Variants in RELN observed in about 807,000 individuals in gnomAD.
RELN encodes the protein reelin.
In RELN, 108 loss-of-function variants were observed where a neutral mutation model predicts 427.6. That is an observed-to-expected ratio of 0.25 (90% CI 0.22 to 0.30). The LOEUF (loss-of-function observed/expected upper bound fraction) is 0.30, where lower values mean the gene tolerates loss of function less well. RELN is among the 10% of genes least tolerant of loss of function. The pLI is 1.00. For missense variants in RELN, 3,715 were observed against 4,302.8 expected, an observed-to-expected ratio of 0.86 and a Z score of 3.82; for synonymous variants, 1,524 against 1,513.4, an observed-to-expected ratio of 1.01 and a Z score of -0.16.
chr7:103,781,696 T>A (rs747448337), intron 3 of RELN, among the ~76,000 whole-genome samples: 13 of 152,008 alleles, frequency 8.6e-5, no homozygotes, highest in Non-Finnish European at 1.6e-4. Context: ...ATAACCCCCA[T>A]TCTACTCTCT....
rs754575582 is a variant in RELN at position 103,776,537 on chromosome 7, A to C, written c.544+20T>G. ...TGAATAGTTTGGACATAACACAAACAAATCAAATGTGACGCTTACCTCCTT... is the reference window on the plus strand; with the variant it reads ...TGAATAGTTTGGACATAACACAAACCAATCAAATGTGACGCTTACCTCCTT... On this transcript the variant is annotated intron_variant, in intron 4 of 64. Coordinates refer to ENST00000428762, the MANE Select transcript of RELN (RefSeq NM_005045.4). 2 of 1,613,684 alleles carry C rather than the reference A, an allele frequency of 1.2e-6. No homozygotes were observed. Among genetic ancestry groups the C allele is most frequent in the Non-Finnish European group, 1.7e-6 (2 of 1,179,570 alleles).
At chr7:103,585,365 G>A (rs1831246246) in intron 28 of RELN, among the ~76,000 whole-genome samples, 1 of 152,020 alleles carries the variant, frequency 6.6e-6, no homozygotes, top group Non-Finnish European at 1.5e-5. Flanking sequence ...AAATAATAAA[G>A]GTGACATTAC....
intron 8 of RELN, among the ~76,000 whole-genome samples, chr7:103,703,860 C>G (rs142244809): frequency 9.2e-5 from 14 of 152,260 alleles, no homozygotes; most frequent in Admixed American, 3.9e-4. Flanking sequence ...TCTAAAAATG[C>G]AAGCACTTTC....
intron 4 of RELN, among the ~76,000 whole-genome samples, chr7:103,758,492 T>C (rs1221918859): frequency 2.0e-5 from 3 of 151,890 alleles, no homozygotes; most frequent in Non-Finnish European, 4.4e-5. Context: ...GCATTCAGAA[T>C]GAAAGCCTAG....
chr7:103,907,991 T>C (rs1795254973), intron 2 of RELN, among the ~76,000 whole-genome samples: 1 of 152,006 alleles, frequency 6.6e-6, no homozygotes, highest in Admixed American at 6.6e-5. Flanking sequence ...GTGTGTGACG[T>C]TCCTCTCCCT....
chr7:103,740,998 G>A (rs1238028830), intron 6 of RELN, among the ~76,000 whole-genome samples: 1 of 152,168 alleles, frequency 6.6e-6, no homozygotes, highest in African/African-American at 2.4e-5. Context: ...GTGTGGCAGT[G>A]GCATAGGGAC....
chr7:103,949,116 T>C (rs771953005), intron 1 of RELN, among the ~76,000 whole-genome samples: 170 of 151,820 alleles, frequency 1.1e-3, no homozygotes, highest in Non-Finnish European at 2.0e-3. Flanking sequence ...CATATATATA[T>C]GTGTATACAC....
Position 103,594,311 on chromosome 7 carries a change from A to C in RELN, c.3711+10T>G, listed in dbSNP as rs992902436. The C allele has an allele frequency of 6.2e-7, 1 of 1,610,968 alleles. No homozygotes were observed. The highest frequency in any genetic ancestry group is 8.5e-7 in the Non-Finnish European group (1 of 1,177,178). On this transcript the variant is annotated intron_variant, in intron 26 of 64. Transcript: ENST00000428762. ...ATCTGTCTTCTTGGAGTTCAGACATAGGAGAATACCTGAGGTAAAGTTGGA... is the reference window on the plus strand; with the variant it reads ...ATCTGTCTTCTTGGAGTTCAGACATCGGAGAATACCTGAGGTAAAGTTGGA...
intron 16 of RELN, 23 bp downstream of exon 16, chr7:103,650,251 T>G (rs1227478530): frequency 7.4e-7 from 1 of 1,358,598 alleles, no homozygotes; most frequent in African/African-American, 1.4e-5. Context: ...TGGCATGTGA[T>G]TATGACAGGC....
At chr7:103,548,765 T>C (rs142349227) in intron 41 of RELN, among the ~76,000 whole-genome samples, 1 of 152,356 alleles carries the variant, frequency 6.6e-6, no homozygotes, top group East Asian at 1.9e-4. Context: ...TTCCAAATTA[T>C]ATTGTCTTGC....
At chr7:103,756,711 T>A (rs1435490909) in intron 4 of RELN, among the ~76,000 whole-genome samples, 1 of 152,174 alleles carries the variant, frequency 6.6e-6, no homozygotes, top group East Asian at 1.9e-4. Context: ...CTGGATTTAA[T>A]TTAACTCAAC....
At chr7:103,845,933 T>C (rs144851200) in intron 2 of RELN, among the ~76,000 whole-genome samples, 14 of 152,122 alleles carry the variant, frequency 9.2e-5, no homozygotes, top group East Asian at 3.9e-4. Context: ...ATCGTGAAAA[T>C]AGCCACACTG....
intron 8 of RELN, among the ~76,000 whole-genome samples, chr7:103,708,819 G>A (rs1383074392): frequency 6.6e-6 from 1 of 152,114 alleles, no homozygotes; most frequent in South Asian, 2.1e-4. Context: ...TAATGGTCAC[G>A]CCCCTCAGAG....
At chr7:103,505,601 C>T (rs774027330) in intron 51 of RELN, among the ~76,000 whole-genome samples, 1 of 152,262 alleles carries the variant, frequency 6.6e-6, no homozygotes, top group Non-Finnish European at 1.5e-5. Context: ...GATAAATCCA[C>T]GAAGATGGGG....
At chr7:103,599,617 C>A (rs923947789) in intron 24 of RELN, among the ~76,000 whole-genome samples, 1 of 152,006 alleles carries the variant, frequency 6.6e-6, no homozygotes, top group Non-Finnish European at 1.5e-5. Context: ...GAGAGGAATT[C>A]TAAGAAAAGA....
At chr7:103,739,679 A>G (rs1257881347) in intron 6 of RELN, among the ~76,000 whole-genome samples, 1 of 152,180 alleles carries the variant, frequency 6.6e-6, no homozygotes, top group African/African-American at 2.4e-5. Context: ...CTTCACTTCA[A>G]ACTTCACTTC....
chr7:103,661,710 C>T (rs977852363), intron 11 of RELN, among the ~76,000 whole-genome samples, 183 bp from the exon 12 acceptor site: 20 of 152,164 alleles, frequency 1.3e-4, no homozygotes, highest in African/African-American at 4.3e-4. Flanking sequence ...GTAGTGAATA[C>T]ACTTTAAACA....
At position 103,569,734 on chromosome 7, in the gene RELN, G is replaced by A. The variant is rs187504908; in HGVS notation, c.4588+2450C>T. 2.4e-3 allele frequency among the ~76,000 whole-genome samples: 365 copies of A among 152,250 alleles called. 2 individuals are homozygous for A. Among genetic ancestry groups the A allele is most frequent in the African/African-American group, 8.1e-3 (338 of 41,532 alleles). On this transcript the variant is annotated intron_variant, in intron 31 of 64. Transcript: ENST00000428762. This position sits in a 1 kb window ranked among gnomAD's most constrained non-coding sequence, Gnocchi z 4.0. ...CCTCTCAGATAAGAATGAGAGGGTCGAGGAATGCAAGAAAGGCAAAGAGCA... is the reference window on the plus strand; with the variant it reads ...CCTCTCAGATAAGAATGAGAGGGTCAAGGAATGCAAGAAAGGCAAAGAGCA...
At chr7:103,903,274 GTTT>G (rs200223959) in intron 2 of RELN, among the ~76,000 whole-genome samples, 6 of 142,812 alleles carry the variant, frequency 4.2e-5, no homozygotes, top group Non-Finnish European at 9.2e-5. Flanking sequence ...ATTCCTAAGT[GTTT>G]TTTTTTTTTT....
Sources: gnomAD v4.1 joint callset for allele counts (sites outside exome capture counted in the v4.1 genomes callset) on GRCh38, gnomAD v4.1.1 for gene constraint, Gnocchi (gnomAD v3.1) non-coding constraint, MANE v1.5 for transcripts, NCBI Gene and HGNC (gene_info 2026-07-23, HGNC 2026-07-21) for gene names.